The following DIP2C variants were observed in gnomAD, a reference collection of about 807,000 sequenced individuals.
DIP2C encodes the protein disco-interacting protein 2 homolog C.
A neutral mutation model predicts 192.4 loss-of-function variants in DIP2C; 33 were observed. That is an observed-to-expected ratio of 0.17 (90% CI 0.13 to 0.23). The LOEUF (loss-of-function observed/expected upper bound fraction) is 0.23. Ranked by LOEUF, DIP2C falls within the 10% of genes least tolerant of loss-of-function variation. DIP2C has a pLI of 1.00. For missense variants in DIP2C, 1,537 were observed against 2,110.1 expected (o/e 0.73, Z 5.32); for synonymous variants, 979 against 864.1 (o/e 1.13, Z -2.33).
At chr10:480,829 G>A (rs187378452) in intron 2 of DIP2C, among the ~76,000 whole-genome samples, 88 of 152,330 alleles carry the variant, frequency 5.8e-4, no homozygotes, top group African/African-American at 1.9e-3. Context: ...ACGGGAGCAC[G>A]GCTGATCTGG....
In DIP2C at chr10:423,030, G is replaced by A. The variant is rs1193392170; in HGVS notation, c.398C>T (p.Thr133Ile). The A allele has an allele frequency of 1.2e-6, 2 of 1,605,884 alleles. No homozygotes were observed. Among genetic ancestry groups the A allele is most frequent in the African/African-American group, 1.3e-5 (1 of 74,874 alleles). ...GCCTTCATCTTCTGAGCCAGAAGAG[G>A]TATCTGTGTAAGAAGAAAGGTGATT... is the stretch of plus-strand genomic sequence containing the variant. ...TSMDAYTPPDTSSGSEDEGSV... is the reference protein window; with the variant it reads ...TSMDAYTPPDISSGSEDEGSV... Residue 133 changes from threonine to isoleucine, a missense_variant, in exon 5 of 37, where the codon ACC (threonine) becomes ATC (isoleucine). Thr to Ile is a moderately conservative substitution (Grantham distance 89). This residue lies in a region of DIP2C where 473 missense variants were observed against 539.6 expected (regional missense o/e 0.88). Transcript: ENST00000280886.
chr10:337,595 GT>G (rs1957904301), intron 29 of DIP2C, among the ~76,000 whole-genome samples: 1 of 142,370 alleles, frequency 7.0e-6, no homozygotes, highest in African/African-American at 2.6e-5. Context: ...GTGTGTGTGT[GT>G]TCTGTGGAGG....
At chr10:420,550 G>A (rs1198788497) in intron 5 of DIP2C, among the ~76,000 whole-genome samples, 1 of 152,212 alleles carries the variant, frequency 6.6e-6, no homozygotes, top group Non-Finnish European at 1.5e-5. Context: ...GCGTCTGGGA[G>A]GCCTCCTCTC....
At chr10:639,314 G>A (rs1384496604) in intron 1 of DIP2C, among the ~76,000 whole-genome samples, 4 of 145,812 alleles carry the variant, frequency 2.7e-5, no homozygotes, top group Non-Finnish European at 6.0e-5. Context: ...GTGCTGCCCG[G>A]CTCACGGTCC....
chr10:436,797 C>T (rs1366845864), intron 4 of DIP2C, among the ~76,000 whole-genome samples: 3 of 135,350 alleles, frequency 2.2e-5, no homozygotes, highest in East Asian at 2.2e-4. Context: ...CTCTGAGCTC[C>T]GCCTCCTGGA....
At chr10:540,874 T>C (rs555094360) in intron 1 of DIP2C, among the ~76,000 whole-genome samples, 52 of 152,292 alleles carry the variant, frequency 3.4e-4, no homozygotes, top group Non-Finnish European at 6.3e-4. Flanking sequence ...GTTTTGATTA[T>C]AGTAAAGTAG....
intron 1 of DIP2C, among the ~76,000 whole-genome samples, chr10:683,840 TAA>T (rs1346948497): frequency 6.6e-6 from 1 of 152,208 alleles, no homozygotes; most frequent in Admixed American, 6.5e-5. Flanking sequence ...AAATCAGTTC[TAA>T]AAAAAGAGAC....
chr10:341,582 C>T (rs1007676091), intron 28 of DIP2C, among the ~76,000 whole-genome samples: 2 of 151,896 alleles, frequency 1.3e-5, no homozygotes. Context: ...GGCCTGACAC[C>T]CTCAGACACC....
At chr10:653,013 A>G (rs1856044377) in intron 1 of DIP2C, among the ~76,000 whole-genome samples, 1 of 151,608 alleles carries the variant, frequency 6.6e-6, no homozygotes, top group Admixed American at 6.6e-5. Flanking sequence ...ACAGCTCCAC[A>G]TTGTCCAACA....
chr10:536,600 AT>A (rs1847710937), intron 1 of DIP2C, among the ~76,000 whole-genome samples: 1 of 152,204 alleles, frequency 6.6e-6, no homozygotes, highest in South Asian at 2.1e-4. Context: ...GGAGGACACA[AT>A]TTAATACCAG....
At chr10:657,156 GCTGGACCTGATGCTGGACCTCTCC>G (rs1430738740) in intron 1 of DIP2C, among the ~76,000 whole-genome samples, 18 of 134,838 alleles carry the variant, frequency 1.3e-4, no homozygotes, top group East Asian at 2.3e-4. Flanking sequence ...TGGACCTGAC[GCTGGACCTGATGCTGGACCTCTCC>G]CTGGACCTGA....
In DIP2C at chr10:410,292, C is replaced by T. The variant is rs907983570; in HGVS notation, c.1058-1275G>A. Among the ~76,000 whole-genome samples, 5 of 152,298 alleles carry T rather than the reference C, an allele frequency of 3.3e-5. No individual in the cohort carries two copies. In the East Asian group the frequency reaches 7.7e-4, roughly 23 times the overall value. On this transcript the variant is annotated intron_variant, in intron 8 of 36. Coordinates refer to ENST00000280886, the MANE Select transcript of DIP2C (RefSeq NM_014974.3). Reference sequence around the variant, plus strand: ...AAATGTTTCTTCATTTTACTGATGTCGCAGGCAAGCTGTAATAAAATACAA... The same window carrying T: ...AAATGTTTCTTCATTTTACTGATGTTGCAGGCAAGCTGTAATAAAATACAA...
chr10:559,955 G>A (rs1029252735), intron 1 of DIP2C, among the ~76,000 whole-genome samples: 41 of 151,832 alleles, frequency 2.7e-4, no homozygotes, highest in Admixed American at 7.2e-4. Context: ...TCATTGCTCC[G>A]GTTCTCACCT....
intron 1 of DIP2C, among the ~76,000 whole-genome samples, chr10:681,012 T>C (rs1831109993): frequency 6.7e-6 from 1 of 150,300 alleles, no homozygotes; most frequent in African/African-American, 2.5e-5. Context: ...TTCCAAGGAA[T>C]GCAGGCCCCA....
At chr10:495,570 CA>C (rs11326825) in intron 1 of DIP2C, among the ~76,000 whole-genome samples, 27,958 of 139,160 alleles carry the variant, frequency 0.2, 5,374 homozygotes, top group African/African-American at 0.51. Context: ...TCTCAGTGAA[CA>C]AAAAAAAAAA....
chr10:368,861 G>A (rs1960618961), intron 18 of DIP2C, among the ~76,000 whole-genome samples: 3 of 152,246 alleles, frequency 2.0e-5, no homozygotes, highest in Non-Finnish European at 4.4e-5. Context: ...AACAGCCAGG[G>A]GCTGATGCTG....
intron 15 of DIP2C, 96 bp from the exon 16 acceptor site, chr10:384,242 GAA>G: frequency 1.3e-6 from 1 of 766,396 alleles, no homozygotes; most frequent in Non-Finnish European, 2.0e-6. Context: ...GAAGGGTGAA[GAA>G]TCACTGGTCA....
At chr10:467,381 TGGGGTGGGGG>T (rs1177025875) in intron 3 of DIP2C, among the ~76,000 whole-genome samples, 2 of 9,596 alleles carry the variant, frequency 2.1e-4, no homozygotes, top group Non-Finnish European at 4.0e-4. Flanking sequence ...GGGACTGTGG[TGGGGTGGGGG>T]GAGGTGGGAG....
At chr10:428,857 C>A (rs1051701470) in intron 4 of DIP2C, among the ~76,000 whole-genome samples, 2 of 152,140 alleles carry the variant, frequency 1.3e-5, no homozygotes, top group African/African-American at 4.8e-5. Flanking sequence ...CCTCTTCAAG[C>A]TCACAGACTT....
Sources: gnomAD v4.1 joint callset for allele counts (sites outside exome capture counted in the v4.1 genomes callset) on GRCh38, gnomAD v4.1.1 for gene constraint, gnomAD v4.1.1 regional missense constraint, MANE v1.5 for transcripts, NCBI Gene and HGNC (gene_info 2026-07-23, HGNC 2026-07-21) for gene names.